ARHGEF38: variants seen among roughly 807,000 people sequenced by gnomAD.
The protein encoded by ARHGEF38 is Rho guanine nucleotide exchange factor 38, also known as Rho guanine nucleotide exchange factor (GEF) 38.
A neutral mutation model predicts 79.9 loss-of-function variants in ARHGEF38; 79 were observed. The observed-to-expected ratio is 0.99, with a 90% CI of 0.82 to 1.19. ARHGEF38 has a LOEUF of 1.19. Ranked by LOEUF, ARHGEF38 falls within the 50% of genes most tolerant of loss-of-function variation. The pLI, the probability that ARHGEF38 is intolerant of heterozygous loss-of-function variation, is 0.00. For synonymous variants in ARHGEF38, 366 were observed against 328.3 expected (o/e 1.11, Z -1.24); for missense variants, 962 against 907.2 (o/e 1.06, Z -0.78).
chr4:105,587,233 A>G (rs1056693459), intron 1 of ARHGEF38, among the ~76,000 whole-genome samples: 8 of 152,152 alleles, frequency 5.3e-5, no homozygotes, highest in African/African-American at 1.9e-4. Flanking sequence ...GCTTGAGCCC[A>G]GGAGTTTGAG....
Position 105,677,759 on chromosome 4 carries a change from A to G in ARHGEF38, c.2156A>G (p.Tyr719Cys), listed in dbSNP as rs1731172860. The change falls in exon 14 of 14, where the codon TAT becomes TGT. Residue 719 changes from tyrosine to cysteine, a missense_variant. Transcript: ENST00000420470. ...SFQEVDEQIF[Y>C]AVHAFQARSD... Reference sequence around the variant, plus strand: ...TTTTGTTTCTTTGTCTAGATTTTCTATGCAGTTCATGCTTTTCAAGCACGG... The same window carrying G: ...TTTTGTTTCTTTGTCTAGATTTTCTGTGCAGTTCATGCTTTTCAAGCACGG... 12 of 1,462,566 alleles carry G rather than the reference A, an allele frequency of 8.2e-6. No homozygotes were observed. The highest frequency in any genetic ancestry group is 6.6e-5 in the Admixed American group (3 of 45,780). 90.6% of individuals were successfully genotyped at this position (1,462,566 alleles called of 1,614,324 possible).
chr4:105,613,928 G>A (rs1387238318), intron 3 of ARHGEF38, among the ~76,000 whole-genome samples: 1 of 151,984 alleles, frequency 6.6e-6, no homozygotes, highest in African/African-American at 2.4e-5. Flanking sequence ...CTTACCTGAG[G>A]AATGTAAAAC....
downstream of ARHGEF38, chr4:105,682,465 T>G (rs1731344813): frequency 3.1e-6 from 1 of 320,462 alleles, no homozygotes; most frequent in African/African-American, 2.1e-5. Context: ...TCACAGATGC[T>G]TTCAATCTTC....
chr4:105,641,370 C>T (rs1238942486), intron 5 of ARHGEF38, among the ~76,000 whole-genome samples: 2 of 152,058 alleles, frequency 1.3e-5, no homozygotes, highest in Non-Finnish European at 2.9e-5. Flanking sequence ...TCTATCTGGT[C>T]TGTTACATCG....
At chr4:105,603,084 G>A (rs1364620897) in intron 2 of ARHGEF38, among the ~76,000 whole-genome samples, 1 of 152,176 alleles carries the variant, frequency 6.6e-6, no homozygotes, top group East Asian at 1.9e-4. Context: ...GTCTAGTTTG[G>A]GAACTGCCTT....
chr4:105,634,747 A>G (rs1296896859), intron 4 of ARHGEF38, among the ~76,000 whole-genome samples: 1 of 152,102 alleles, frequency 6.6e-6, no homozygotes, highest in Non-Finnish European at 1.5e-5. Flanking sequence ...TGGAAGACAC[A>G]TTTCTAGCTT....
chr4:105,660,861 C>T (rs907454281), intron 10 of ARHGEF38, among the ~76,000 whole-genome samples: 3 of 151,920 alleles, frequency 2.0e-5, no homozygotes, highest in African/African-American at 7.3e-5. Context: ...CCATACATTC[C>T]ACCTATTTAA....
At chr4:105,583,169 TCTC>T (rs1726878113) in intron 1 of ARHGEF38, among the ~76,000 whole-genome samples, 1 of 152,218 alleles carries the variant, frequency 6.6e-6, no homozygotes, top group Non-Finnish European at 1.5e-5. Flanking sequence ...AACTGCTTTC[TCTC>T]CTCTACTGGT....
At chr4:105,626,654 C>T (rs1728960473) in intron 3 of ARHGEF38, among the ~76,000 whole-genome samples, 1 of 152,098 alleles carries the variant, frequency 6.6e-6, no homozygotes, top group Non-Finnish European at 1.5e-5. Context: ...TGTTTATCTT[C>T]TTCAATCTCA....
chr4:105,648,734 A>G (rs1308292957), intron 7 of ARHGEF38, 52 bp downstream of exon 7: 7 of 1,460,454 alleles, frequency 4.8e-6, no homozygotes, highest in Non-Finnish European at 6.3e-6. Flanking sequence ...ATGAATGCAG[A>G]TATTTTTGTG....
intron 1 of ARHGEF38, among the ~76,000 whole-genome samples, chr4:105,554,376 T>C (rs1725156076): frequency 6.6e-6 from 1 of 152,170 alleles, no homozygotes; most frequent in South Asian, 2.1e-4. Context: ...ACTCCAGTAG[T>C]CTCCAGTATC....
chr4:105,658,785 T>A (rs1462036180), intron 9 of ARHGEF38, among the ~76,000 whole-genome samples: 1 of 151,700 alleles, frequency 6.6e-6, no homozygotes, highest in Non-Finnish European at 1.5e-5. Context: ...AAAAGTGGAG[T>A]TATATTTTGG....
rs192279056 is a variant in ARHGEF38 at position 105,644,396 on chromosome 4, G to C, written c.675-792G>C. Among the ~76,000 whole-genome samples the C allele has an allele frequency of 4.3e-3, 659 of 152,236 alleles. 7 individuals are homozygous for C. The highest frequency in any genetic ancestry group is 0.015 in the African/African-American group (622 of 41,542). On this transcript the variant is annotated intron_variant, in intron 5 of 13. Transcript: ENST00000420470. ...AGGCTTTTAGAAATCACTGCCTTCT[G>C]TCTGAATGATCAATGAGAGTGGGCT...
At chr4:105,667,034 C>A (rs529996196) in intron 11 of ARHGEF38, 95 bp from the exon 12 acceptor site, 64 of 1,065,502 alleles carry the variant, frequency 6.0e-5, no homozygotes, top group Admixed American at 1.4e-4. Context: ...ATGACTCCTA[C>A]GTTTTAAAAA....
At chr4:105,616,272 A>G (rs1020149929) in intron 3 of ARHGEF38, among the ~76,000 whole-genome samples, 1 of 152,162 alleles carries the variant, frequency 6.6e-6, no homozygotes, top group Non-Finnish European at 1.5e-5. Context: ...TCATGTTTGT[A>G]TTAGTCAGTT....
chr4:105,554,767 G>A (rs187803541), intron 1 of ARHGEF38, among the ~76,000 whole-genome samples: 66 of 151,854 alleles, frequency 4.3e-4, no homozygotes, highest in African/African-American at 1.4e-3. Context: ...AAAACATCTA[G>A]TATACTGGCT....
chr4:105,681,517 AAT>A (rs1245494628), downstream of ARHGEF38, among the ~76,000 whole-genome samples: 1 of 152,134 alleles, frequency 6.6e-6, no homozygotes, highest in African/African-American at 2.4e-5. Context: ...TTTTGCTGTG[AAT>A]AATAAACTGT....
intron 1 of ARHGEF38, among the ~76,000 whole-genome samples, chr4:105,564,433 TGA>T (rs542500148): frequency 5.1e-4 from 77 of 152,206 alleles, no homozygotes; most frequent in African/African-American, 1.9e-3. Context: ...TCTACTTATA[TGA>T]GAGTAGTCAA....
intron 1 of ARHGEF38, among the ~76,000 whole-genome samples, chr4:105,566,574 T>C (rs553073281): frequency 2.6e-5 from 4 of 152,322 alleles, no homozygotes; most frequent in African/African-American, 9.6e-5. Flanking sequence ...AACCCAGTTA[T>C]ACTCTCTTAG....
Sources: allele counts gnomAD v4.1 joint callset (sites outside exome capture counted in the v4.1 genomes callset), GRCh38; gene constraint gnomAD v4.1.1; transcripts MANE v1.5; gene names NCBI Gene and HGNC (gene_info 2026-07-23, HGNC 2026-07-21).